The following DLGAP2 variants were observed in gnomAD, a reference collection of about 807,000 sequenced individuals.
DLGAP2 encodes the protein disks large-associated protein 2.
DLGAP2 carries 26 observed loss-of-function variants against 100.3 expected under a neutral mutation model. That is an observed-to-expected ratio of 0.26 (90% CI 0.19 to 0.36). DLGAP2 has a LOEUF of 0.36. Among genes scored for constraint, DLGAP2 ranks in the 10% least tolerant of loss-of-function variants. DLGAP2 has a pLI of 1.00. For missense variants in DLGAP2, 1,858 were observed against 1,453.2 expected (o/e 1.28, Z -4.53); for synonymous variants, 886 against 630.1 (o/e 1.41, Z -6.08).
At chr8:1,569,982 G>A (rs991620329) in intron 6 of DLGAP2, among the ~76,000 whole-genome samples, 2 of 152,224 alleles carry the variant, frequency 1.3e-5, no homozygotes, top group African/African-American at 4.8e-5. Flanking sequence ...CGGAGGCCAG[G>A]GTAGATACTG....
chr8:1,184,451 G>A (rs1035566377), intron 2 of DLGAP2, among the ~76,000 whole-genome samples: 1 of 152,170 alleles, frequency 6.6e-6, no homozygotes, highest in Non-Finnish European at 1.5e-5. Context: ...AAGGAGACGG[G>A]CAGAAGAGGC....
chr8:799,432 G>A (rs1796102330), intron 1 of DLGAP2, among the ~76,000 whole-genome samples: 1 of 152,198 alleles, frequency 6.6e-6, no homozygotes, highest in Non-Finnish European at 1.5e-5. Flanking sequence ...AGAGGCGTTT[G>A]ATGTGCGCTC....
chr8:1,525,370 T>G (rs1303723580), intron 4 of DLGAP2, among the ~76,000 whole-genome samples: 1 of 152,200 alleles, frequency 6.6e-6, no homozygotes. Context: ...TTTTTCTGAA[T>G]GAAATTGATT....
chr8:881,494 CTCTTT>C (rs1563076940), intron 1 of DLGAP2, among the ~76,000 whole-genome samples: 1 of 60,828 alleles, frequency 1.6e-5, no homozygotes, highest in African/African-American at 6.0e-5. Flanking sequence ...CATTTCATCT[CTCTTT>C]TTTTTTTTTT....
At chr8:956,274 G>C (rs1584922190) in intron 2 of DLGAP2, among the ~76,000 whole-genome samples, 1 of 152,224 alleles carries the variant, frequency 6.6e-6, no homozygotes, top group African/African-American at 2.4e-5. Context: ...CAGCCGACAA[G>C]TTGTGCTCCC....
In DLGAP2 at chr8:1,438,037, G is replaced by C. The variant is rs371526220; in HGVS notation, c.107-63329G>C. On this transcript the variant is annotated intron_variant, in intron 3 of 14. Transcript: ENST00000637795. Reference sequence around the variant, plus strand: ...AACCAAAGTAGGAAAAGAGGCCTAAGTTAAAATTTGGTATAGAGGATTTCT... The same window carrying C: ...AACCAAAGTAGGAAAAGAGGCCTAACTTAAAATTTGGTATAGAGGATTTCT... Among the ~76,000 whole-genome samples the C allele has an allele frequency of 2.6e-5, 4 of 152,042 alleles. No homozygotes were observed. In the East Asian group the frequency reaches 5.8e-4, roughly 22 times the overall value.
At chr8:1,479,257 C>A (rs181639227) in intron 3 of DLGAP2, among the ~76,000 whole-genome samples, 107 of 152,346 alleles carry the variant, frequency 7.0e-4, no homozygotes, top group African/African-American at 2.2e-3. Flanking sequence ...CTTTACTCCG[C>A]TGCCAAACCA....
intron 12 of DLGAP2, among the ~76,000 whole-genome samples, chr8:1,690,023 G>C (rs909095011): frequency 6.6e-6 from 1 of 152,194 alleles, no homozygotes; most frequent in African/African-American, 2.4e-5. Context: ...TACCAAAGCA[G>C]CTGTTTACAA....
intron 1 of DLGAP2, among the ~76,000 whole-genome samples, chr8:802,566 G>A (rs1796192500): frequency 1.3e-5 from 2 of 152,300 alleles, no homozygotes; most frequent in African/African-American, 4.8e-5. Flanking sequence ...CTCTGTGCCA[G>A]GCGCTCAGGG....
chr8:1,161,137 C>T (rs555944471), intron 2 of DLGAP2, among the ~76,000 whole-genome samples: 9 of 152,268 alleles, frequency 5.9e-5, no homozygotes, highest in African/African-American at 1.7e-4. Context: ...GAATAGAAAA[C>T]GGTCTTACAT....
chr8:1,125,263 A>G (rs1189026181), intron 2 of DLGAP2, among the ~76,000 whole-genome samples: 1 of 152,202 alleles, frequency 6.6e-6, no homozygotes, highest in Admixed American at 6.5e-5. Context: ...TTTCATTGTC[A>G]TTGTCCACCT....
At chr8:1,097,594 T>C (rs1384911174) in intron 2 of DLGAP2, among the ~76,000 whole-genome samples, 1 of 136,942 alleles carries the variant, frequency 7.3e-6, no homozygotes, top group Non-Finnish European at 1.5e-5. Flanking sequence ...CTCTGTGGCA[T>C]GGAGAGGTCC....
chr8:973,776 G>C (rs901476597), intron 2 of DLGAP2, among the ~76,000 whole-genome samples: 1 of 152,002 alleles, frequency 6.6e-6, no homozygotes, highest in Non-Finnish European at 1.5e-5. Context: ...GCGGCTGAGC[G>C]GAGGCGAATC....
intron 2 of DLGAP2, among the ~76,000 whole-genome samples, chr8:1,041,898 C>T (rs758559311): frequency 2.6e-5 from 4 of 152,216 alleles, no homozygotes; most frequent in African/African-American, 4.8e-5. Flanking sequence ...GGAAGAATGT[C>T]GGGTAACCAT....
intron 8 of DLGAP2, among the ~76,000 whole-genome samples, chr8:1,633,290 T>A (rs898242383): frequency 3.4e-5 from 5 of 148,750 alleles, no homozygotes; most frequent in Non-Finnish European, 7.4e-5. Context: ...TAATCAAGTG[T>A]AACTTGTGTA....
Position 783,829 on chromosome 8 carries a change from C to G in DLGAP2, c.18+46004C>G, listed in dbSNP as rs561836601. ...AGAGTTTGGGGTATCTGTCTCACTGCTGGTGAAGTTAGTGACTCTAATCAA... is the reference window on the plus strand; with the variant it reads ...AGAGTTTGGGGTATCTGTCTCACTGGTGGTGAAGTTAGTGACTCTAATCAA... On this transcript the variant is annotated intron_variant, in intron 1 of 14. Coordinates refer to ENST00000637795, the MANE Select transcript of DLGAP2 (RefSeq NM_001346810.2). Among the ~76,000 whole-genome samples, 12 of 152,250 alleles carry G rather than the reference C, an allele frequency of 7.9e-5. No homozygotes were observed. The South Asian group carries it at 2.5e-3, about 32-fold the overall frequency.
intron 8 of DLGAP2, among the ~76,000 whole-genome samples, chr8:1,643,558 G>A (rs1264220565): frequency 5.5e-4 from 8 of 14,506 alleles, no homozygotes; most frequent in East Asian, 2.1e-3. Context: ...CGACCCCGCC[G>A]GCCCTCACCT....
At chr8:935,868 GTTA>G (rs1227600553) in intron 2 of DLGAP2, among the ~76,000 whole-genome samples, 3 of 152,100 alleles carry the variant, frequency 2.0e-5, no homozygotes, top group Admixed American at 6.6e-5. Context: ...TTTTTATGTG[GTTA>G]TTATTAAAAT....
At chr8:782,885 G>C (rs554717360) in intron 1 of DLGAP2, among the ~76,000 whole-genome samples, 14 of 152,304 alleles carry the variant, frequency 9.2e-5, no homozygotes, top group Admixed American at 5.2e-4. Context: ...GACAGAAGAA[G>C]AACCAACCCC....
Sources: allele counts gnomAD v4.1 joint callset (sites outside exome capture counted in the v4.1 genomes callset), GRCh38; gene constraint gnomAD v4.1.1; transcripts MANE v1.5; gene names NCBI Gene and HGNC (gene_info 2026-07-23, HGNC 2026-07-21).